The following CREB5 variants were observed in gnomAD, a reference collection of about 807,000 sequenced individuals.
CREB5 encodes the protein cAMP responsive element binding protein 5, also known as cyclic AMP-responsive element-binding protein 5.
Under a neutral mutation model 57.1 loss-of-function variants are expected in CREB5, and 19 were observed. The ratio of observed to expected loss-of-function variants is 0.33; its 90% CI spans 0.23 to 0.49. The LOEUF (loss-of-function observed/expected upper bound fraction) is 0.49, where lower values mean the gene tolerates loss of function less well. CREB5 is among the 20% of genes least tolerant of loss of function. The pLI is 0.99. For synonymous variants in CREB5, 238 were observed against 238.3 expected (o/e 1.00, Z 0.01); for missense variants, 579 against 671.6 (o/e 0.86, Z 1.52).
chr7:28,495,212 A>G (rs1056202202), intron 3 of CREB5, among the ~76,000 whole-genome samples: 1 of 152,172 alleles, frequency 6.6e-6, no homozygotes, highest in Non-Finnish European at 1.5e-5. Flanking sequence ...ATGTATTACT[A>G]TGCAACTTGG....
At chr7:28,675,775 T>C (rs936551684) in intron 5 of CREB5, among the ~76,000 whole-genome samples, 3 of 152,058 alleles carry the variant, frequency 2.0e-5, no homozygotes, top group East Asian at 1.9e-4. Flanking sequence ...GGTGCTCATA[T>C]GGGAGATCCT....
intron 4 of CREB5, among the ~76,000 whole-genome samples, chr7:28,520,289 C>T (rs773683970): frequency 3.9e-5 from 6 of 152,200 alleles, no homozygotes; most frequent in Admixed American, 6.5e-5. Flanking sequence ...TCGTAGTTGT[C>T]TCCGCATCCT....
At chr7:28,558,205 G>T (rs2128637836) in intron 4 of CREB5, among the ~76,000 whole-genome samples, 1 of 152,270 alleles carries the variant, frequency 6.6e-6, no homozygotes, top group East Asian at 1.9e-4. Context: ...GCTTAGTTTG[G>T]TTTTTGCTTT....
chr7:28,753,025 A>AT (rs1398263059), intron 7 of CREB5, among the ~76,000 whole-genome samples: 5 of 152,136 alleles, frequency 3.3e-5, no homozygotes, highest in Non-Finnish European at 7.4e-5. Flanking sequence ...TATCAATTAT[A>AT]TGCCATACAC....
At chr7:28,674,572 G>T (rs1800229229) in intron 5 of CREB5, among the ~76,000 whole-genome samples, 2 of 152,162 alleles carry the variant, frequency 1.3e-5, no homozygotes, top group African/African-American at 4.8e-5. Flanking sequence ...CTTCAGCGCA[G>T]ACCAACCTGC....
chr7:28,348,396 TGTCTCTCTCTCTCACACACA>T (rs66953683), intron 1 of CREB5, among the ~76,000 whole-genome samples: 48,283 of 104,948 alleles, frequency 0.46, 8,071 homozygotes, highest in Non-Finnish European at 0.54. Flanking sequence ...TCTCTCTCTC[TGTCTCTCTCTCTCACACACA>T]CACACACACA....
intron 1 of CREB5, among the ~76,000 whole-genome samples, chr7:28,347,635 C>T (rs1005469923): frequency 6.6e-6 from 1 of 152,090 alleles, no homozygotes; most frequent in Non-Finnish European, 1.5e-5. Flanking sequence ...TGCCCCGCTC[C>T]CCACCCCAGA....
chr7:28,437,951 T>A (rs1357285229), intron 1 of CREB5, among the ~76,000 whole-genome samples: 1 of 152,112 alleles, frequency 6.6e-6, no homozygotes, highest in Non-Finnish European at 1.5e-5. Context: ...AGGGTGAATT[T>A]ACAAACACCA....
At chr7:28,624,059 A>G (rs1444804325) in intron 5 of CREB5, among the ~76,000 whole-genome samples, 3 of 152,330 alleles carry the variant, frequency 2.0e-5, no homozygotes, top group South Asian at 2.1e-4. Context: ...TAAATATGAC[A>G]TGCTGCCCTC....
intron 1 of CREB5, among the ~76,000 whole-genome samples, chr7:28,443,685 C>T (rs59823148): frequency 0.088 from 13,383 of 152,184 alleles, 700 homozygotes; most frequent in African/African-American, 0.13. Context: ...AACACAGGCT[C>T]TAGGCCACTA....
At chr7:28,788,817 C>A (rs1477654700) in intron 7 of CREB5, among the ~76,000 whole-genome samples, 2 of 147,220 alleles carry the variant, frequency 1.4e-5, no homozygotes, top group Non-Finnish European at 3.0e-5. Context: ...CAGGTTAAAA[C>A]CCTCTTCTGG....
At chr7:28,528,034 A>G (rs535607845) in intron 4 of CREB5, among the ~76,000 whole-genome samples, 2 of 152,314 alleles carry the variant, frequency 1.3e-5, no homozygotes, top group African/African-American at 4.8e-5. Flanking sequence ...GCACAATTAC[A>G]TGTGCGGGTC....
At chr7:28,581,674 C>T (rs1211053148) in intron 5 of CREB5, among the ~76,000 whole-genome samples, 1 of 152,208 alleles carries the variant, frequency 6.6e-6, no homozygotes, top group Non-Finnish European at 1.5e-5. Context: ...CCAACAGCCT[C>T]CAGTTATTGT....
intron 5 of CREB5, among the ~76,000 whole-genome samples, chr7:28,680,003 A>G (rs1376215233): frequency 6.7e-6 from 1 of 149,176 alleles, no homozygotes; most frequent in Non-Finnish European, 1.5e-5. Flanking sequence ...ACCCATGCTC[A>G]TGAGTACACA....
At chr7:28,383,662 G>A (rs757049671) in intron 1 of CREB5, among the ~76,000 whole-genome samples, 4 of 152,140 alleles carry the variant, frequency 2.6e-5, no homozygotes, top group Non-Finnish European at 5.9e-5. Context: ...TGTGAGTACA[G>A]CATCAAGGCG....
chr7:28,360,349 A>C (rs1156682910), intron 1 of CREB5, among the ~76,000 whole-genome samples: 2 of 152,246 alleles, frequency 1.3e-5, no homozygotes, highest in African/African-American at 4.8e-5. Context: ...TAGATTAAAA[A>C]ATAGGGTATC....
chr7:28,777,867 G>C (rs770799680), intron 7 of CREB5, among the ~76,000 whole-genome samples: 1 of 152,260 alleles, frequency 6.6e-6, no homozygotes, highest in South Asian at 2.1e-4. Context: ...ATAATAGTAA[G>C]TCACTTGGAA....
chr7:28,301,901 T>C (rs1785103418), intron 1 of CREB5, among the ~76,000 whole-genome samples: 1 of 152,202 alleles, frequency 6.6e-6, no homozygotes, highest in Non-Finnish European at 1.5e-5. Context: ...AATTTCACCT[T>C]GAGACAAATT....
intron 5 of CREB5, among the ~76,000 whole-genome samples, chr7:28,589,493 G>A (rs1205148421): frequency 6.6e-6 from 1 of 152,174 alleles, no homozygotes; most frequent in African/African-American, 2.4e-5. Flanking sequence ...GGCGGAGCTT[G>A]CAGTGAGCCA....
Sources: allele counts gnomAD v4.1 joint callset (sites outside exome capture counted in the v4.1 genomes callset), GRCh38; gene constraint gnomAD v4.1.1; transcripts MANE v1.5; gene names NCBI Gene and HGNC (gene_info 2026-07-23, HGNC 2026-07-21).